The following LBX2 variants were observed in gnomAD, a reference collection of about 807,000 sequenced individuals.
LBX2 encodes ladybird homeobox 2.
LBX2 carries 6 observed loss-of-function variants against 7.5 expected under a neutral mutation model. The observed-to-expected ratio is 0.80, with a 90% CI of 0.44 to 1.59. The LOEUF is 1.59. LBX2 is among the 40% of genes most tolerant of loss of function. The probability of loss-of-function intolerance (pLI) is 0.01; values close to 1 mark genes in which losing one functional copy is unlikely to be tolerated. For missense variants in LBX2, 281 were observed against 282.0 expected, an observed-to-expected ratio of 1.00 and a Z score of 0.03; for synonymous variants, 143 against 133.2, an observed-to-expected ratio of 1.07 and a Z score of -0.51.
At chr2:74,498,632 T>G in intron 1 of LBX2, 1 of 399,056 alleles carries the variant, frequency 2.5e-6, no homozygotes, top group South Asian at 5.1e-5. Context: ...CCTTTGAGGC[T>G]TTTAGGAGCC....
At position 74,498,204 on chromosome 2, in the gene LBX2, T is replaced by C; in HGVS notation, c.320A>G (p.Gln107Arg). ...VLELERRFVF[Q>R]KYLAPSERDG... The stretch of plus-strand genomic sequence containing the variant: ...TCGCTCGGACGGCGCCAGGTACTTC[T>C]GGAAGACGAAGCGCCGCTCCAGCTC... The change falls in exon 2 of 2, where the codon CAG becomes CGG. Residue 107 changes from glutamine (Q) to arginine (R), a missense_variant. Gln to Arg is a conservative substitution (Grantham distance 43, BLOSUM62 1). Coordinates refer to ENST00000377566, the MANE Select transcript of LBX2 (RefSeq NM_001282430.2). 6.2e-7 allele frequency: 1 copy of C among 1,611,594 alleles called. No individual in the cohort carries two copies. The highest frequency in any genetic ancestry group is 1.7e-5 in the Admixed American group (1 of 59,994).
At chr2:74,501,634 A>T (rs923797021), upstream of LBX2, 2 of 151,790 alleles carry the variant, frequency 1.3e-5, no homozygotes, top group African/African-American at 4.9e-5. Context: ...AGTTTGGGGG[A>T]GGAGATGGAA....
chr2:74,502,664 G>T (rs1394586737), upstream of LBX2: 2 of 1,613,674 alleles, frequency 1.2e-6, no homozygotes, highest in Non-Finnish European at 1.7e-6. This position sits in a 1 kb window ranked among gnomAD's most constrained non-coding sequence, Gnocchi z 5.4. Context: ...TTAGTTTCGT[G>T]ACTTTGGGGG....
At chr2:74,502,738 C>T (rs1674521986), upstream of LBX2, 1 of 1,614,154 alleles carries the variant, frequency 6.2e-7, no homozygotes, top group East Asian at 2.2e-5. The surrounding 1 kb of genome is among the most constrained non-coding windows in gnomAD (Gnocchi z 5.4). Context: ...GCGCGCCCAC[C>T]GCCACCCTCC....
At chr2:74,498,442 G>A in intron 1 of LBX2, 124 bp from the exon 2 acceptor site, 1 of 741,634 alleles carries the variant, frequency 1.3e-6, no homozygotes, top group Non-Finnish European at 2.1e-6. Flanking sequence ...CAGGAAGGCG[G>A]ACGGAGACCA....
Position 74,498,108 on chromosome 2 carries a change from T to G in LBX2, c.416A>C (p.Lys139Thr). ...VVTWFQNRRA[K>T]LKRDVEEMRA... ...CATCTCCTCCACATCGCGCTTGAGCTTGGCTCGCCGGTTCTGGAACCAAGT... is the reference window on the plus strand; with the variant it reads ...CATCTCCTCCACATCGCGCTTGAGCGTGGCTCGCCGGTTCTGGAACCAAGT... Residue 139 changes from lysine (K) to threonine (T), a missense_variant, in exon 2 of 2, where the codon AAG becomes ACG. Coordinates refer to ENST00000377566, the MANE Select transcript of LBX2 (RefSeq NM_001282430.2). 1 of 1,613,028 alleles carries G rather than the reference T, an allele frequency of 6.2e-7. No homozygotes were observed. Among genetic ancestry groups the G allele is most frequent in the Non-Finnish European group, 8.5e-7 (1 of 1,179,654 alleles).
upstream of LBX2, among the ~76,000 whole-genome samples, chr2:74,501,276 A>AG (rs1401424473): frequency 6.6e-6 from 1 of 152,086 alleles, no homozygotes; most frequent in Non-Finnish European, 1.5e-5. Context: ...ATTAATGGTG[A>AG]GGGGCAGGGG....
At position 74,497,865 on chromosome 2, in the gene LBX2, A is replaced by T. The variant is rs1674385904; in HGVS notation, c.*62T>A. On this transcript the variant is annotated 3_prime_UTR_variant, in exon 2 of 2. Transcript: ENST00000377566. ...TCCTCCACCCTGGAACTCTGGCCAGAGGCAGAGCGCGAGGTGAGGAGTCCA... is the reference window on the plus strand; with the variant it reads ...TCCTCCACCCTGGAACTCTGGCCAGTGGCAGAGCGCGAGGTGAGGAGTCCA... 2.1e-6 allele frequency: 3 copies of T among 1,461,392 alleles called. No individual in the cohort carries two copies. Among genetic ancestry groups the T allele is most frequent in the Non-Finnish European group, 2.7e-6 (3 of 1,103,586 alleles). 90.5% of individuals were successfully genotyped at this position (1,461,392 alleles called of 1,614,324 possible).
Position 74,499,036 on chromosome 2 carries a change from C to T in LBX2, c.205+297G>A. 2.1e-6 allele frequency: 1 copy of T among 485,618 alleles called. No homozygotes were observed. Among genetic ancestry groups the T allele is most frequent in the Non-Finnish European group, 3.7e-6 (1 of 272,352 alleles). 30.1% of individuals were successfully genotyped at this position (485,618 alleles called of 1,614,324 possible). On this transcript the variant is annotated intron_variant, in intron 1 of 1. Transcript: ENST00000377566. This position sits in a 1 kb window ranked among gnomAD's most constrained non-coding sequence, Gnocchi z 4.6. ...GCTGAAGCCTTTTGTCTCTTTCTCT[C>T]CTGCCTTTCTCTATCGCGATTGCCC...
In LBX2 at chr2:74,498,013, CGCCT is replaced by C. The variant is rs1674394326; in HGVS notation, c.507_510del (p.Gly170LeufsTer142). On this transcript the variant is annotated frameshift_variant, in exon 2 of 2. Transcript: ENST00000377566. LOFTEE classifies it low-confidence loss of function (END_TRUNC). ...CCGAGGCAGAGGCCGGGATCTGGAG[CGCCT>C]TCGGGCAGTGCTAAGCTGCACAGGA... 6.2e-7 allele frequency: 1 copy of C among 1,610,810 alleles called. No individual in the cohort carries two copies. The highest frequency in any genetic ancestry group is 1.3e-5 in the African/African-American group (1 of 74,894).
In LBX2 at chr2:74,498,002, G is replaced by A. The variant is rs1389933424; in HGVS notation, c.522C>T (p.Pro174=). ...GGCCGGCAGGGCCGAGGCAGAGGCC[G>A]GGATCTGGAGCGCCTTCGGGCAGTG... ...SLALPEGAPD[P]GLCLGPAGPD... The change falls in exon 2 of 2, where the codon CCC becomes CCT. Residue 174 remains proline (P), a synonymous_variant. Coordinates refer to ENST00000377566, the MANE Select transcript of LBX2 (RefSeq NM_001282430.2). The A allele has an allele frequency of 6.2e-7, 1 of 1,609,584 alleles. No individual in the cohort carries two copies.
At chr2:74,498,435 G>C in intron 1 of LBX2, 117 bp from the exon 2 acceptor site, 2 of 778,090 alleles carry the variant, frequency 2.6e-6, no homozygotes, top group East Asian at 5.5e-5. Flanking sequence ...GGAGAGCCAG[G>C]AAGGCGGACG....
At position 74,499,428 on chromosome 2, in the gene LBX2, G is replaced by T. The variant is rs1471965760; in HGVS notation, c.110C>A (p.Ser37Ter). ...CAGCGGCGACGTTGGACCCGGACCC[G>T]ACTCTGGAAGCTGCGGCGCAGAGGG... ...RAPSAPQLPE[S>*]GPGPTSPLCA... Residue 37 changes from serine (S) to a stop codon, truncating the protein, a stop_gained, in exon 1 of 2, where the codon TCG (serine) becomes TAG (stop). Coordinates refer to ENST00000377566, the MANE Select transcript of LBX2 (RefSeq NM_001282430.2). LOFTEE classifies it high-confidence loss of function. The surrounding 1 kb of genome is among the most constrained non-coding windows in gnomAD (Gnocchi z 4.6). 7 of 1,550,638 alleles carry T rather than the reference G, an allele frequency of 4.5e-6. No homozygotes were observed. The highest frequency in any genetic ancestry group is 5.2e-6 in the Non-Finnish European group (6 of 1,147,002).
At chr2:74,498,609 T>A (rs898184733) in intron 1 of LBX2, 1 of 450,128 alleles carries the variant, frequency 2.2e-6, no homozygotes, top group Non-Finnish European at 3.9e-6. Context: ...GGGTCAAACC[T>A]TCTGGGGTGG....
upstream of LBX2, chr2:74,502,700 C>T: frequency 6.2e-7 from 1 of 1,614,176 alleles, no homozygotes; most frequent in Non-Finnish European, 8.5e-7. This position sits in a 1 kb window ranked among gnomAD's most constrained non-coding sequence, Gnocchi z 5.4. Flanking sequence ...TTGTTTTCCG[C>T]CCTGGACGCT....
rs1572972862 is a variant in LBX2 at position 74,498,960 on chromosome 2, C to T, written c.205+373G>A. On this transcript the variant is annotated intron_variant, in intron 1 of 1. Coordinates refer to ENST00000377566, the MANE Select transcript of LBX2 (RefSeq NM_001282430.2). ...CTTGGTCACCCGGAAAGACTCGACT[C>T]TCCAGCGCTTTCTGTGCCGCCTTTG... 8 of 296,816 alleles carry T rather than the reference C, an allele frequency of 2.7e-5. No homozygotes were observed. In the East Asian group the frequency reaches 5.9e-4, roughly 22 times the overall value. 18.4% of individuals were successfully genotyped at this position (296,816 alleles called of 1,614,324 possible). A position where few individuals can be genotyped will look rare whatever the true frequency, so the allele number is the denominator to read the frequency against.
upstream of LBX2, among the ~76,000 whole-genome samples, chr2:74,501,251 C>T (rs185264128): frequency 1.3e-5 from 2 of 152,204 alleles, no homozygotes; most frequent in South Asian, 2.1e-4. Context: ...TGCCTCAGGA[C>T]GTTGTTAAAT....
Position 74,498,337 on chromosome 2 carries a change from G to T in LBX2, c.206-19C>A, listed in dbSNP as rs769578744. The T allele has an allele frequency of 9.8e-5, 145 of 1,486,882 alleles. No homozygotes were observed. The highest frequency in any genetic ancestry group is 1.3e-4 in the Non-Finnish European group (142 of 1,123,398). 92.1% of individuals were successfully genotyped at this position (1,486,882 alleles called of 1,614,324 possible). A position where few individuals can be genotyped will look rare whatever the true frequency, so the allele number is the denominator to read the frequency against. On this transcript the variant is annotated intron_variant, in intron 1 of 1. Coordinates refer to ENST00000377566, the MANE Select transcript of LBX2 (RefSeq NM_001282430.2). The stretch of plus-strand genomic sequence containing the variant: ...GCCCGCCCTGTAGGGATAGGGAGGG[G>T]GTCAGTTTCCAGCCTCCGGGAATCA...
chr2:74,501,126 C>T (rs1447924165), upstream of LBX2, among the ~76,000 whole-genome samples: 3 of 152,158 alleles, frequency 2.0e-5, no homozygotes, highest in Non-Finnish European at 4.4e-5. Flanking sequence ...CAACCCCCCT[C>T]CCCCACCCGC....
Sources: allele counts gnomAD v4.1 joint callset (sites outside exome capture counted in the v4.1 genomes callset), GRCh38; gene constraint gnomAD v4.1.1; non-coding constraint Gnocchi (gnomAD v3.1); transcripts MANE v1.5; gene names NCBI Gene and HGNC (gene_info 2026-07-23, HGNC 2026-07-21).